KLF12: variants seen among roughly 807,000 people sequenced by gnomAD.
KLF12 encodes the protein KLF transcription factor 12, also known as Krueppel-like factor 12.
KLF12 carries 9 observed loss-of-function variants against 37.8 expected under a neutral mutation model. The ratio of observed to expected loss-of-function variants is 0.24; its 90% CI spans 0.14 to 0.42. The LOEUF (loss-of-function observed/expected upper bound fraction) is 0.42. Among genes scored for constraint, KLF12 ranks in the 10% least tolerant of loss-of-function variants. KLF12 has a pLI of 1.00. For synonymous variants in KLF12, 208 were observed against 202.1 expected, an observed-to-expected ratio of 1.03 and a Z score of -0.25; for missense variants, 411 against 516.0, an observed-to-expected ratio of 0.80 and a Z score of 1.97.
At chr13:73,719,636 T>A (rs550413786) in intron 6 of KLF12, among the ~76,000 whole-genome samples, 1 of 151,834 alleles carries the variant, frequency 6.6e-6, no homozygotes, top group Non-Finnish European at 1.5e-5. Flanking sequence ...GGTCTTGCTC[T>A]GTCATCTAGA....
chr13:74,012,123 G>A (rs1387143375), intron 1 of KLF12, among the ~76,000 whole-genome samples: 1 of 152,214 alleles, frequency 6.6e-6, no homozygotes, highest in Non-Finnish European at 1.5e-5. Context: ...CACATGTACT[G>A]TTAATTTAGC....
At chr13:74,046,239 C>G (rs1017003792) in intron 1 of KLF12, among the ~76,000 whole-genome samples, 1 of 152,136 alleles carries the variant, frequency 6.6e-6, no homozygotes, top group Non-Finnish European at 1.5e-5. Context: ...ATTAGCAACA[C>G]GGGAAACTGG....
chr13:74,238,409 G>C, the KLF12 span, among the ~76,000 whole-genome samples: 1 of 137,730 alleles, frequency 7.3e-6, no homozygotes, highest in Non-Finnish European at 1.5e-5. Context: ...CTCTTTTTTG[G>C]TTGTGTCTCT....
At chr13:73,972,486 C>T (rs1411198190) in intron 2 of KLF12, among the ~76,000 whole-genome samples, 2 of 151,410 alleles carry the variant, frequency 1.3e-5, no homozygotes, top group African/African-American at 2.4e-5. Flanking sequence ...TATGAGACAT[C>T]TCAGTAATAT....
the KLF12 span, among the ~76,000 whole-genome samples, chr13:74,221,144 A>G: frequency 4.0e-5 from 6 of 151,682 alleles, no homozygotes; most frequent in East Asian, 7.8e-4. Flanking sequence ...AGCTGGGACT[A>G]CAAGCACCGC....
At chr13:73,962,761 A>G (rs1891058502) in intron 2 of KLF12, among the ~76,000 whole-genome samples, 1 of 152,250 alleles carries the variant, frequency 6.6e-6, no homozygotes, top group Non-Finnish European at 1.5e-5. Context: ...AGCAGTTAAA[A>G]ATAAATGGAC....
the KLF12 span, among the ~76,000 whole-genome samples, chr13:74,174,307 T>C: frequency 4.1e-4 from 63 of 151,866 alleles, no homozygotes; most frequent in Middle Eastern, 3.2e-3. Context: ...GGTACAGTCT[T>C]AGTCCTTTTT....
chr13:74,040,998 T>G (rs532791561), intron 1 of KLF12, among the ~76,000 whole-genome samples: 7 of 152,322 alleles, frequency 4.6e-5, no homozygotes, highest in East Asian at 1.9e-4. Flanking sequence ...CCATTTGCAT[T>G]GCCGCAACAG....
intron 1 of KLF12, among the ~76,000 whole-genome samples, chr13:74,014,492 G>A (rs912194423): frequency 9.2e-5 from 14 of 152,134 alleles, no homozygotes; most frequent in African/African-American, 2.9e-4. Flanking sequence ...TTGAACATGC[G>A]TAGTTTGTAT....
intron 3 of KLF12, among the ~76,000 whole-genome samples, chr13:73,933,399 T>C (rs1889772661): frequency 6.6e-6 from 1 of 152,190 alleles, no homozygotes; most frequent in Non-Finnish European, 1.5e-5. Context: ...TATTTCAAGA[T>C]GTGATCATGT....
chr13:74,260,848 G>A, the KLF12 span, among the ~76,000 whole-genome samples: 2 of 151,902 alleles, frequency 1.3e-5, no homozygotes, highest in Non-Finnish European at 2.9e-5. Flanking sequence ...TTGGGTTAAA[G>A]AATAAAAAGA....
At chr13:73,822,601 AT>A (rs1883590387) in intron 4 of KLF12, among the ~76,000 whole-genome samples, 1 of 152,160 alleles carries the variant, frequency 6.6e-6, no homozygotes, top group Non-Finnish European at 1.5e-5. Flanking sequence ...TTAAAAATTC[AT>A]GTTTTTTTGA....
chr13:73,722,589 C>G (rs1448211168), intron 6 of KLF12, among the ~76,000 whole-genome samples: 2 of 152,214 alleles, frequency 1.3e-5, no homozygotes, highest in Non-Finnish European at 2.9e-5. Flanking sequence ...CAGAAAACTA[C>G]TTTTGAACAG....
intron 6 of KLF12, among the ~76,000 whole-genome samples, chr13:73,754,109 C>CATAGA (rs1015032333): frequency 5.3e-5 from 8 of 152,134 alleles, no homozygotes; most frequent in Non-Finnish European, 1.0e-4. Flanking sequence ...GTACCCTTCA[C>CATAGA]ATAGAATACG....
chr13:74,188,226 C>T, the KLF12 span, among the ~76,000 whole-genome samples: 1 of 152,034 alleles, frequency 6.6e-6, no homozygotes, highest in Non-Finnish European at 1.5e-5. Flanking sequence ...TCTATCCATG[C>T]CATAATTTAG....
chr13:73,905,536 T>TA (rs1021260215), intron 3 of KLF12, among the ~76,000 whole-genome samples: 7 of 151,792 alleles, frequency 4.6e-5, no homozygotes, highest in African/African-American at 1.5e-4. Context: ...ATTTACGTTT[T>TA]AAAAAAAATC....
At chr13:74,102,656 C>T (rs913779560) in intron 1 of KLF12, among the ~76,000 whole-genome samples, 13 of 152,058 alleles carry the variant, frequency 8.5e-5, no homozygotes, top group African/African-American at 2.9e-4. Flanking sequence ...TGAGATCGCA[C>T]CACTGCACTC....
intron 3 of KLF12, among the ~76,000 whole-genome samples, chr13:73,911,718 GT>G (rs1236734912): frequency 6.6e-6 from 1 of 152,160 alleles, no homozygotes; most frequent in African/African-American, 2.4e-5. Flanking sequence ...TATGTCAGAA[GT>G]TATAGAAATA....
chr13:73,858,323 T>G (rs1437651616), intron 3 of KLF12, among the ~76,000 whole-genome samples: 1 of 152,240 alleles, frequency 6.6e-6, no homozygotes, highest in Non-Finnish European at 1.5e-5. Context: ...AGTTTTAGAC[T>G]GGTGGCATGA....
Sources: gnomAD v4.1 joint callset for allele counts (sites outside exome capture counted in the v4.1 genomes callset) on GRCh38, gnomAD v4.1.1 for gene constraint, MANE v1.5 for transcripts, NCBI Gene and HGNC (gene_info 2026-07-23, HGNC 2026-07-21) for gene names.